Variants in PDE1C observed in about 807,000 individuals in gnomAD.
PDE1C encodes dual specificity calcium/calmodulin-dependent 3',5'-cyclic nucleotide phosphodiesterase 1C.
PDE1C carries 62 observed loss-of-function variants against 93.1 expected under a neutral mutation model. The observed-to-expected ratio is 0.67, with a 90% CI of 0.54 to 0.82. The LOEUF (loss-of-function observed/expected upper bound fraction) is 0.82. Among genes scored for constraint, PDE1C ranks in the 40% least tolerant of loss-of-function variants. PDE1C has a pLI of 0.00. For synonymous variants in PDE1C, 325 were observed against 310.1 expected, an observed-to-expected ratio of 1.05 and a Z score of -0.50; for missense variants, 742 against 884.6, an observed-to-expected ratio of 0.84 and a Z score of 2.04.
chr7:31,864,438 A>G (rs950147864), intron 7 of PDE1C, among the ~76,000 whole-genome samples: 2 of 152,240 alleles, frequency 1.3e-5, no homozygotes, highest in Non-Finnish European at 2.9e-5. Flanking sequence ...AACATTTCAA[A>G]TGGTTAGAAG....
intron 1 of PDE1C, among the ~76,000 whole-genome samples, chr7:32,326,330 G>A (rs1415420940): frequency 6.6e-6 from 1 of 152,118 alleles, no homozygotes; most frequent in African/African-American, 2.4e-5. Context: ...GCATATGGAT[G>A]GTTTTTAAAG....
At chr7:31,953,118 A>T (rs996440357) in intron 2 of PDE1C, among the ~76,000 whole-genome samples, 6 of 152,230 alleles carry the variant, frequency 3.9e-5, no homozygotes, top group Admixed American at 3.9e-4. Context: ...AGCTGGCATT[A>T]ACTGGTAGCC....
At chr7:31,845,142 C>T (rs1792398332) in intron 9 of PDE1C, among the ~76,000 whole-genome samples, 1 of 151,998 alleles carries the variant, frequency 6.6e-6, no homozygotes, top group Non-Finnish European at 1.5e-5. Flanking sequence ...TTTTCTATTA[C>T]CTGAAAATAA....
intron 16 of PDE1C, among the ~76,000 whole-genome samples, chr7:31,800,262 C>A (rs1182005816): frequency 6.6e-6 from 1 of 151,352 alleles, no homozygotes; most frequent in African/African-American, 2.4e-5. Flanking sequence ...CATAATTTAT[C>A]AATTTGTTTT....
chr7:31,771,411 C>T (rs1795479968), intron 17 of PDE1C, among the ~76,000 whole-genome samples: 1 of 152,190 alleles, frequency 6.6e-6, no homozygotes, highest in African/African-American at 2.4e-5. Context: ...TTTATAGTAG[C>T]CATCCTAATG....
chr7:31,891,554 G>A (rs919755932), intron 2 of PDE1C, among the ~76,000 whole-genome samples: 1 of 152,060 alleles, frequency 6.6e-6, no homozygotes, highest in Non-Finnish European at 1.5e-5. Context: ...AGTTCTCATG[G>A]GAATTATGTT....
At chr7:32,073,040 T>C (rs1270633969), upstream of PDE1C, among the ~76,000 whole-genome samples, 1 of 152,204 alleles carries the variant, frequency 6.6e-6, no homozygotes, top group Non-Finnish European at 1.5e-5. Flanking sequence ...CTCTAAGTAC[T>C]GGCCTAGGAT....
At chr7:31,699,318 G>T in the PDE1C span, among the ~76,000 whole-genome samples, 5 of 152,144 alleles carry the variant, frequency 3.3e-5, no homozygotes, top group Non-Finnish European at 7.3e-5. Flanking sequence ...GACATGAAGG[G>T]TAATGCTGTT....
chr7:31,985,424 ATTTAT>A (rs1584328718), intron 2 of PDE1C, among the ~76,000 whole-genome samples: 1 of 152,062 alleles, frequency 6.6e-6, no homozygotes, highest in Non-Finnish European at 1.5e-5. Context: ...TTTATTATTT[ATTTAT>A]TTTGTTATTA....
the PDE1C span, among the ~76,000 whole-genome samples, chr7:31,693,134 C>G: frequency 6.6e-6 from 1 of 152,010 alleles, no homozygotes; most frequent in Non-Finnish European, 1.5e-5. Flanking sequence ...GGTTATGACT[C>G]CCCCCTCCTC....
At chr7:31,805,356 C>T (rs1391687655) in intron 16 of PDE1C, among the ~76,000 whole-genome samples, 4 of 151,854 alleles carry the variant, frequency 2.6e-5, no homozygotes, top group Admixed American at 2.0e-4. Context: ...TTAATATTTT[C>T]AGACCACAGT....
At chr7:32,422,008 T>C (rs1785441455) in intron 1 of PDE1C, among the ~76,000 whole-genome samples, 2 of 152,070 alleles carry the variant, frequency 1.3e-5, no homozygotes, top group South Asian at 2.1e-4. Context: ...GCCCGAGACT[T>C]TTCTGCCTTG....
At chr7:31,944,593 G>A (rs997847898) in intron 2 of PDE1C, among the ~76,000 whole-genome samples, 1 of 152,150 alleles carries the variant, frequency 6.6e-6, no homozygotes, top group African/African-American at 2.4e-5. Context: ...AATACAGGCC[G>A]ACAGCCTTAT....
At chr7:32,276,937 C>T (rs1470570100) in intron 1 of PDE1C, among the ~76,000 whole-genome samples, 1 of 152,102 alleles carries the variant, frequency 6.6e-6, no homozygotes. Flanking sequence ...GGGAAAAAAT[C>T]CCTATACCCC....
chr7:31,990,731 T>C (rs1784051058), intron 2 of PDE1C, among the ~76,000 whole-genome samples: 1 of 152,228 alleles, frequency 6.6e-6, no homozygotes, highest in Non-Finnish European at 1.5e-5. Context: ...AGAGAAATTA[T>C]CTGCTTTGGT....
chr7:31,636,887 C>T, the PDE1C span, among the ~76,000 whole-genome samples: 8 of 108,186 alleles, frequency 7.4e-5, no homozygotes, highest in South Asian at 4.3e-4. Context: ...CCTCCCCCCT[C>T]CCCCCACCCG....
chr7:32,193,953 C>T (rs1250385499), intron 2 of PDE1C, among the ~76,000 whole-genome samples: 17 of 125,252 alleles, frequency 1.4e-4, no homozygotes, highest in South Asian at 5.5e-4. Flanking sequence ...CTCACTCTGT[C>T]GCCCAGGCTG....
intron 2 of PDE1C, among the ~76,000 whole-genome samples, chr7:31,932,575 G>A (rs1804470444): frequency 6.6e-6 from 1 of 152,184 alleles, no homozygotes. Flanking sequence ...ACAGATGCGG[G>A]TGAGGATGTG....
intron 3 of PDE1C, among the ~76,000 whole-genome samples, chr7:32,161,643 C>A (rs1375087554): frequency 2.0e-5 from 3 of 152,000 alleles, no homozygotes; most frequent in African/African-American, 7.2e-5. Flanking sequence ...GGATTCCCTG[C>A]ATATTTTGGG....
Sources: allele counts gnomAD v4.1 joint callset (sites outside exome capture counted in the v4.1 genomes callset), GRCh38; gene constraint gnomAD v4.1.1; transcripts MANE v1.5; gene names NCBI Gene and HGNC (gene_info 2026-07-23, HGNC 2026-07-21).